GLIS3: variants seen among roughly 807,000 people sequenced by gnomAD.
GLIS3 encodes the protein zinc finger protein GLIS3.
GLIS3 carries 53 observed loss-of-function variants against 78.6 expected under a neutral mutation model. The observed-to-expected ratio is 0.67, with a 90% CI of 0.54 to 0.85. GLIS3 has a LOEUF of 0.85. Ranked by LOEUF, GLIS3 falls within the 40% of genes least tolerant of loss-of-function variation. The pLI is 0.00. For synonymous variants in GLIS3, 684 were observed against 509.9 expected, an observed-to-expected ratio of 1.34 and a Z score of -4.60; for missense variants, 1,703 against 1,231.1, an observed-to-expected ratio of 1.38 and a Z score of -5.74.
intron 9 of GLIS3, among the ~76,000 whole-genome samples, chr9:3,831,898 G>A (rs988885821): frequency 6.6e-6 from 1 of 151,752 alleles, no homozygotes; most frequent in African/African-American, 2.4e-5. Context: ...CAGTTGTATG[G>A]ATGCCTATGT....
chr9:3,904,511 G>C (rs1002655054), intron 6 of GLIS3, among the ~76,000 whole-genome samples: 1 of 152,168 alleles, frequency 6.6e-6, no homozygotes, highest in Non-Finnish European at 1.5e-5. Flanking sequence ...ATCTTGGTGA[G>C]TCTCTTTTTC....
At chr9:4,138,622 G>T (rs760178630) in intron 2 of GLIS3, among the ~76,000 whole-genome samples, 1 of 152,174 alleles carries the variant, frequency 6.6e-6, no homozygotes, top group African/African-American at 2.4e-5. Context: ...AAGCCGTAAA[G>T]AATGAGACAC....
At chr9:4,014,175 A>G (rs1822258699) in intron 4 of GLIS3, among the ~76,000 whole-genome samples, 1 of 152,212 alleles carries the variant, frequency 6.6e-6, no homozygotes, top group Admixed American at 6.5e-5. Context: ...TTTGGCCTCA[A>G]TGAAACCTAC....
At chr9:4,483,825 A>C in the GLIS3 span, among the ~76,000 whole-genome samples, 3 of 151,906 alleles carry the variant, frequency 2.0e-5, no homozygotes, top group South Asian at 6.3e-4. Context: ...GGGAAAACTT[A>C]CACAAGGAGC....
chr9:4,458,379 A>G, the GLIS3 span, among the ~76,000 whole-genome samples: 192 of 152,348 alleles, frequency 1.3e-3, 1 homozygote, highest in African/African-American at 4.4e-3. Context: ...GAACAAATGT[A>G]CAAATAACAT....
In GLIS3 at chr9:4,202,368, G is replaced by T. The variant is rs113225753; in HGVS notation, c.389-76427C>A. 4.1e-3 allele frequency among the ~76,000 whole-genome samples: 622 copies of T among 151,096 alleles called. 5 individuals carry two copies. Among genetic ancestry groups the T allele is most frequent in the Non-Finnish European group, 6.8e-3 (464 of 67,848 alleles). On this transcript the variant is annotated intron_variant, in intron 2 of 10. Transcript: ENST00000381971. ...GGGTTTCACCATGTTCACCAGGATG[G>T]TCTGGAACTCCTGACCTTGTGATCC...
chr9:4,437,748 T>C, the GLIS3 span, among the ~76,000 whole-genome samples: 6 of 152,146 alleles, frequency 3.9e-5, no homozygotes, highest in African/African-American at 1.4e-4. Context: ...AACCCACCTC[T>C]TCCTCCTCTT....
chr9:4,158,721 C>A (rs1835230369), intron 2 of GLIS3, among the ~76,000 whole-genome samples: 1 of 152,254 alleles, frequency 6.6e-6, no homozygotes, highest in East Asian at 1.9e-4. Flanking sequence ...AAGTAACATT[C>A]CCCCATTTTC....
the GLIS3 span, among the ~76,000 whole-genome samples, chr9:4,394,039 C>T: frequency 5.3e-5 from 8 of 151,744 alleles, no homozygotes; most frequent in Non-Finnish European, 4.4e-5. Flanking sequence ...ACTTGCTGAA[C>T]CCAGTTCCAT....
At chr9:4,449,482 G>A in the GLIS3 span, among the ~76,000 whole-genome samples, 267 of 152,296 alleles carry the variant, frequency 1.8e-3, 1 homozygote, top group African/African-American at 6.2e-3. Flanking sequence ...CTACCAGCAT[G>A]GTGTTCAAGC....
chr9:4,407,769 C>T, the GLIS3 span, among the ~76,000 whole-genome samples: 1 of 152,136 alleles, frequency 6.6e-6, no homozygotes, highest in Non-Finnish European at 1.5e-5. Context: ...CACATAGAAT[C>T]ACATCAAGTT....
intron 6 of GLIS3, among the ~76,000 whole-genome samples, chr9:3,905,579 G>A (rs1318890544): frequency 6.6e-6 from 1 of 152,062 alleles, no homozygotes; most frequent in Non-Finnish European, 1.5e-5. Context: ...CAAAAATAAA[G>A]CATGGTGCTC....
the GLIS3 span, among the ~76,000 whole-genome samples, chr9:4,409,793 A>T: frequency 6.6e-6 from 1 of 152,192 alleles, no homozygotes; most frequent in African/African-American, 2.4e-5. Context: ...TCAAAGAAAA[A>T]ATGTATTGGT....
At chr9:4,148,257 T>C (rs776719231) in intron 2 of GLIS3, among the ~76,000 whole-genome samples, 28 of 152,256 alleles carry the variant, frequency 1.8e-4, no homozygotes, top group Non-Finnish European at 1.8e-4. Context: ...TACATCGGTT[T>C]CCTTGCTACA....
chr9:4,479,140 G>T, the GLIS3 span, among the ~76,000 whole-genome samples: 1 of 152,080 alleles, frequency 6.6e-6, no homozygotes, highest in African/African-American at 2.4e-5. Flanking sequence ...TGTCTAGACT[G>T]GTGTCAAACT....
chr9:4,438,528 C>A, the GLIS3 span, among the ~76,000 whole-genome samples: 1 of 152,170 alleles, frequency 6.6e-6, no homozygotes, highest in African/African-American at 2.4e-5. Flanking sequence ...CAACCCACAT[C>A]AGAAGAAATA....
chr9:4,187,476 T>G (rs201415782), intron 2 of GLIS3, among the ~76,000 whole-genome samples: 6 of 152,086 alleles, frequency 3.9e-5, no homozygotes, highest in Non-Finnish European at 8.8e-5. Context: ...CTTGGCGATG[T>G]GGGCTCTTTT....
intron 4 of GLIS3, among the ~76,000 whole-genome samples, chr9:4,107,906 CAG>C (rs923608641): frequency 3.3e-5 from 5 of 152,106 alleles, no homozygotes; most frequent in Non-Finnish European, 7.4e-5. Flanking sequence ...GTGCAAATAA[CAG>C]AATAATAAAC....
chr9:4,022,713 C>G (rs1280240554), intron 4 of GLIS3, among the ~76,000 whole-genome samples: 1 of 152,130 alleles, frequency 6.6e-6, no homozygotes, highest in Non-Finnish European at 1.5e-5. Context: ...TATGCATCCA[C>G]CCAGTGAAAC....
Sources: allele counts gnomAD v4.1 joint callset (sites outside exome capture counted in the v4.1 genomes callset), GRCh38; gene constraint gnomAD v4.1.1; transcripts MANE v1.5; gene names NCBI Gene and HGNC (gene_info 2026-07-23, HGNC 2026-07-21).